Variants in HDAC9 observed in about 807,000 individuals in gnomAD.
HDAC9 encodes the protein histone deacetylase 9.
In HDAC9, 41 loss-of-function variants were observed where a neutral mutation model predicts 139.4. The ratio of observed to expected loss-of-function variants is 0.29; its 90% CI spans 0.23 to 0.38. The LOEUF is 0.38. HDAC9 is among the 10% of genes least tolerant of loss of function. The pLI, the probability that HDAC9 is intolerant of heterozygous loss-of-function variation, is 1.00. For missense variants in HDAC9, 1,147 were observed against 1,297.0 expected, an observed-to-expected ratio of 0.88 and a Z score of 1.78; for synonymous variants, 517 against 476.2, an observed-to-expected ratio of 1.09 and a Z score of -1.12.
At chr7:18,410,875 A>G (rs1388024587) in intron 1 of HDAC9, among the ~76,000 whole-genome samples, 3 of 152,224 alleles carry the variant, frequency 2.0e-5, no homozygotes, top group African/African-American at 2.4e-5. Flanking sequence ...AGCTTTACAA[A>G]TAATTCACCA....
Position 18,915,647 on chromosome 7 carries a change from TAA to T in HDAC9, c.2804-20150_2804-20149del, listed in dbSNP as rs11308716. Among the ~76,000 whole-genome samples, 990 of 146,428 alleles carry T rather than the reference TAA, an allele frequency of 6.8e-3. 8 individuals carry two copies. The highest frequency in any genetic ancestry group is 0.019 in the African/African-American group (752 of 40,148). ...TTTCTTTATATCTTTCTGCCATTGT[TAA>T]AAAAAAAAAAAGCAGTCGGAACTTC... On this transcript the variant is annotated intron_variant, in intron 22 of 25. Coordinates refer to ENST00000686413, the MANE Select transcript of HDAC9 (RefSeq NM_178425.4).
rs1257752334 is a variant in HDAC9, at chr7:18,835,592, G to A, written c.2586+6G>A. ...GCAGTGGAGCCCCAAATGAGGTTCG[G>A]TTTATTTCTTTAGAGCCCCACTTTT... On this transcript the variant is annotated splice_donor_region_variant and intron_variant, in intron 20 of 25. Coordinates refer to ENST00000686413, the MANE Select transcript of HDAC9 (RefSeq NM_178425.4). 6.2e-7 allele frequency: 1 copy of A among 1,613,656 alleles called. No homozygotes were observed. The highest frequency in any genetic ancestry group is 8.5e-7 in the Non-Finnish European group (1 of 1,179,644).
At chr7:18,835,374 T>C (rs1437846427) in intron 19 of HDAC9, 93 bp from the exon 20 acceptor site, 1 of 1,300,730 alleles carries the variant, frequency 7.7e-7, no homozygotes, top group Non-Finnish European at 1.0e-6. Flanking sequence ...AGAAAGAAAG[T>C]GGTAGAAAGA....
At chr7:18,454,695 A>ATT (rs1793186231) in intron 1 of HDAC9, among the ~76,000 whole-genome samples, 2 of 152,106 alleles carry the variant, frequency 1.3e-5, no homozygotes, top group East Asian at 3.9e-4. Flanking sequence ...TTCCCTAAAG[A>ATT]AAATTATCTT....
intron 2 of HDAC9, among the ~76,000 whole-genome samples, chr7:18,275,819 G>C (rs754259571): frequency 2.0e-5 from 3 of 152,036 alleles, no homozygotes; most frequent in African/African-American, 7.2e-5. Flanking sequence ...TCCATGCTTC[G>C]TTTTTGTTTA....
At chr7:18,905,359 C>T (rs1035353885) in intron 22 of HDAC9, among the ~76,000 whole-genome samples, 1 of 152,202 alleles carries the variant, frequency 6.6e-6, no homozygotes, top group African/African-American at 2.4e-5. Flanking sequence ...TTCATTAAGA[C>T]AATGTTGTCC....
intron 12 of HDAC9, among the ~76,000 whole-genome samples, chr7:18,704,318 C>A (rs1373607845): frequency 6.6e-6 from 1 of 152,224 alleles, no homozygotes; most frequent in Non-Finnish European, 1.5e-5. Context: ...GGATTTGGGA[C>A]TTTTCCTTGC....
intron 2 of HDAC9, among the ~76,000 whole-genome samples, chr7:18,512,824 C>T (rs189029192): frequency 7.2e-5 from 11 of 152,162 alleles, no homozygotes; most frequent in Admixed American, 6.5e-4. Context: ...TTCAAATATA[C>T]GAGTAAGTGT....
chr7:18,567,293 G>A (rs1822676718), intron 2 of HDAC9, among the ~76,000 whole-genome samples: 1 of 152,182 alleles, frequency 6.6e-6, no homozygotes, highest in South Asian at 2.1e-4. Context: ...CCCTAACTGG[G>A]CAAGGCGAGG....
intron 1 of HDAC9, among the ~76,000 whole-genome samples, chr7:18,121,246 T>C (rs1000840554): frequency 2.0e-5 from 3 of 152,218 alleles, no homozygotes; most frequent in Non-Finnish European, 4.4e-5. Flanking sequence ...TAAATTTTTG[T>C]CAAAACTGCC....
chr7:18,947,947 A>C (rs1448454684), intron 23 of HDAC9, among the ~76,000 whole-genome samples: 1 of 152,052 alleles, frequency 6.6e-6, no homozygotes. Context: ...AAACTAATTC[A>C]TTATAATTCA....
intron 2 of HDAC9, among the ~76,000 whole-genome samples, chr7:18,274,954 G>T (rs577883185): frequency 6.6e-6 from 1 of 152,270 alleles, no homozygotes; most frequent in South Asian, 2.1e-4. Flanking sequence ...ATATTTCTTA[G>T]GGATGGGGGC....
In HDAC9 at chr7:18,727,730, C is replaced by A; in HGVS notation, c.1882C>A (p.Arg628Ser). 6.4e-7 allele frequency: 1 copy of A among 1,554,480 alleles called. No individual in the cohort carries two copies. Among genetic ancestry groups the A allele is most frequent in the South Asian group, 1.2e-5 (1 of 80,442 alleles). Residue 628 changes from arginine to serine, a missense_variant, in exon 13 of 26, where the codon CGC (arginine) becomes AGC (serine). Coordinates refer to ENST00000686413, the MANE Select transcript of HDAC9 (RefSeq NM_178425.4). ...TGTTTTACCTCACCCAGCAATGGAC[C>A]GCCCCCTCCAGCCTGGCTCTGCAAC... ...ASVLPHPAMD[R>S]PLQPGSATGI...
chr7:18,630,611 A>G (rs1356779848), intron 7 of HDAC9, among the ~76,000 whole-genome samples: 2 of 152,152 alleles, frequency 1.3e-5, no homozygotes, highest in African/African-American at 4.8e-5. Context: ...TTCAATGGAA[A>G]GTATTTCCTT....
chr7:18,649,253 A>C (rs1788476067), intron 11 of HDAC9, among the ~76,000 whole-genome samples: 2 of 152,180 alleles, frequency 1.3e-5, no homozygotes. Context: ...CCACATCCTT[A>C]GGAGCTCTCC....
chr7:18,561,120 A>G (rs1427836484), intron 2 of HDAC9, among the ~76,000 whole-genome samples: 4 of 152,226 alleles, frequency 2.6e-5, no homozygotes, highest in African/African-American at 9.6e-5. Context: ...AATAGAAGAA[A>G]TAGAAAGATC....
chr7:18,342,089 T>A (rs1782057920), intron 1 of HDAC9, among the ~76,000 whole-genome samples: 1 of 151,850 alleles, frequency 6.6e-6, no homozygotes, highest in Admixed American at 6.6e-5. Context: ...ATTCTTTCCC[T>A]AGCCTCATTT....
chr7:18,425,021 A>ATATTTGTGGGTTACCTCTC (rs1260111186), intron 1 of HDAC9, among the ~76,000 whole-genome samples: 1 of 152,132 alleles, frequency 6.6e-6, no homozygotes, highest in Non-Finnish European at 1.5e-5. Flanking sequence ...TGTGTCAAAG[A>ATATTTGTGGGTTACCTCTC]TATTTGTGGG....
intron 17 of HDAC9, among the ~76,000 whole-genome samples, chr7:18,806,383 G>A (rs533495130): frequency 6.6e-5 from 10 of 152,246 alleles, no homozygotes; most frequent in Non-Finnish European, 1.5e-4. Context: ...TCCTTTCCTT[G>A]TGGTCGTGAG....
Sources: gnomAD v4.1 joint callset for allele counts (sites outside exome capture counted in the v4.1 genomes callset) on GRCh38, gnomAD v4.1.1 for gene constraint, MANE v1.5 for transcripts, NCBI Gene and HGNC (gene_info 2026-07-23, HGNC 2026-07-21) for gene names.